The following TENM4 variants were observed in gnomAD, a reference collection of about 807,000 sequenced individuals.
TENM4 encodes teneurin transmembrane protein 4.
TENM4 carries 82 observed loss-of-function variants against 243.3 expected under a neutral mutation model. The ratio of observed to expected loss-of-function variants is 0.34; its 90% CI spans 0.28 to 0.40. The LOEUF is 0.40. Ranked by LOEUF, TENM4 falls within the 10% of genes least tolerant of loss-of-function variation. The pLI, the probability that TENM4 is intolerant of heterozygous loss-of-function variation, is 1.00. For missense variants in TENM4, 3,138 were observed against 3,673.3 expected, an observed-to-expected ratio of 0.85 and a Z score of 3.77; for synonymous variants, 1,412 against 1,456.3, an observed-to-expected ratio of 0.97 and a Z score of 0.69.
At chr11:78,694,263 A>G (rs1858899967) in intron 28 of TENM4, among the ~76,000 whole-genome samples, 1 of 152,132 alleles carries the variant, frequency 6.6e-6, no homozygotes, top group Admixed American at 6.6e-5. Context: ...TTCAAACAAC[A>G]CCATCACCAT....
chr11:78,805,277 T>TGCCCCCCCCCCACACCCCCCCCC lies in TENM4; in HGVS notation c.2179+14_2179+15insGGGGGGGGGTGTGGGGGGGGGGC. On this transcript the variant is annotated intron_variant, in intron 15 of 33. Transcript: ENST00000278550. ...CCCCTCCCTCTACCCATGCTTCTTC[T>TGCCCCCCCCCCACACCCCCCCCC]CCCCCTGCATTTACCGATAGAACAG... The TGCCCCCCCCCCACACCCCCCCCC allele has an allele frequency of 7.1e-7, 1 of 1,402,550 alleles. No individual in the cohort carries two copies. The highest frequency in any genetic ancestry group is 9.7e-7 in the Non-Finnish European group (1 of 1,033,116). 86.9% of individuals were successfully genotyped at this position (1,402,550 alleles called of 1,614,324 possible).
At chr11:79,223,532 C>T (rs1251850747) in intron 2 of TENM4, among the ~76,000 whole-genome samples, 2 of 152,130 alleles carry the variant, frequency 1.3e-5, no homozygotes, top group African/African-American at 4.8e-5. Context: ...GTTCCCGGCT[C>T]AAAGCCCTTA....
chr11:78,908,440 A>C (rs1261112744), intron 6 of TENM4, among the ~76,000 whole-genome samples: 1 of 152,232 alleles, frequency 6.6e-6, no homozygotes, highest in Non-Finnish European at 1.5e-5. Flanking sequence ...TGAATGAATA[A>C]ATCGCAAAGC....
At chr11:78,795,456 C>T (rs1857141832) in intron 15 of TENM4, among the ~76,000 whole-genome samples, 1 of 152,154 alleles carries the variant, frequency 6.6e-6, no homozygotes, top group South Asian at 2.1e-4. Context: ...CTATGTGAAA[C>T]AAATACTGCA....
At chr11:79,097,191 G>A (rs1034357928) in intron 4 of TENM4, 5 of 152,192 alleles carry the variant, frequency 3.3e-5, no homozygotes, top group African/African-American at 1.2e-4. Context: ...CGGAGCCCAG[G>A]TCTAAGAACT....
intron 12 of TENM4, among the ~76,000 whole-genome samples, chr11:78,824,878 G>A (rs1334421580): frequency 6.6e-6 from 1 of 152,180 alleles, no homozygotes; most frequent in East Asian, 1.9e-4. Context: ...TTTGCCTGTA[G>A]ATTAGTCAAT....
At chr11:79,134,868 T>G (rs1404764046) in intron 4 of TENM4, among the ~76,000 whole-genome samples, 1 of 152,182 alleles carries the variant, frequency 6.6e-6, no homozygotes, top group Non-Finnish European at 1.5e-5. Context: ...GACTTAAATC[T>G]AAGACCTAAA....
intron 1 of TENM4, among the ~76,000 whole-genome samples, chr11:79,315,408 C>G (rs971778244): frequency 5.9e-5 from 9 of 152,224 alleles, no homozygotes; most frequent in African/African-American, 1.9e-4. Flanking sequence ...TGGAAAGTTC[C>G]TTTGCTTCCT....
chr11:79,129,371 C>T (rs1374677206), intron 4 of TENM4, among the ~76,000 whole-genome samples: 2 of 152,136 alleles, frequency 1.3e-5, no homozygotes, highest in Admixed American at 6.5e-5. Context: ...TGAGAAGGCT[C>T]CTGGCCAGAA....
At chr11:78,807,296 C>T (rs1439666333) in intron 14 of TENM4, among the ~76,000 whole-genome samples, 1 of 152,176 alleles carries the variant, frequency 6.6e-6, no homozygotes, top group East Asian at 1.9e-4. Context: ...AGTAGTTCTA[C>T]CATTTTACAT....
rs1304535596 is a variant in TENM4, at chr11:79,302,750, C to T, written c.-320-5207G>A. ...ACCGAATTAACTGAAATTGTATTTC[C>T]CCACTTTCCTATAGGGTCTCCAGGA... is the stretch of plus-strand genomic sequence containing the variant. On this transcript the variant is annotated intron_variant, in intron 1 of 33. Coordinates refer to ENST00000278550, the MANE Select transcript of TENM4 (RefSeq NM_001098816.3). Among the ~76,000 whole-genome samples the T allele has an allele frequency of 5.3e-5, 8 of 152,234 alleles. No individual in the cohort carries two copies. The South Asian group carries it at 6.2e-4, about 12-fold the overall frequency.
intron 12 of TENM4, among the ~76,000 whole-genome samples, chr11:78,835,289 C>T (rs899574932): frequency 6.6e-6 from 1 of 152,154 alleles, no homozygotes; most frequent in Non-Finnish European, 1.5e-5. Flanking sequence ...GGACAGATCA[C>T]AAGGTCAAGA....
chr11:79,371,230 A>G (rs1472108056), intron 1 of TENM4, among the ~76,000 whole-genome samples: 3 of 152,160 alleles, frequency 2.0e-5, no homozygotes, highest in Non-Finnish European at 4.4e-5. Context: ...ACTGGAGGAA[A>G]GCAATGTGGC....
chr11:78,944,262 G>C (rs896725913), intron 6 of TENM4, among the ~76,000 whole-genome samples: 1 of 150,740 alleles, frequency 6.6e-6, no homozygotes, highest in East Asian at 2.1e-4. Context: ...TCCTGACTCA[G>C]GCAGAAAAAA....
intron 1 of TENM4, among the ~76,000 whole-genome samples, chr11:79,349,434 C>T (rs556723754): frequency 6.6e-6 from 1 of 152,170 alleles, no homozygotes; most frequent in Non-Finnish European, 1.5e-5. Context: ...TTGCTTTGCC[C>T]TTTGTGGTTT....
chr11:78,839,540 A>G (rs905861695), intron 12 of TENM4, among the ~76,000 whole-genome samples: 1 of 152,042 alleles, frequency 6.6e-6, no homozygotes, highest in African/African-American at 2.4e-5. Context: ...ATAGTTTTTC[A>G]GTTAATGTTT....
At chr11:79,256,463 A>C (rs1855702798) in intron 2 of TENM4, among the ~76,000 whole-genome samples, 1 of 152,222 alleles carries the variant, frequency 6.6e-6, no homozygotes, top group African/African-American at 2.4e-5. Flanking sequence ...CACTGGCAGA[A>C]CCAGAATCCC....
At chr11:78,830,573 C>T (rs759536996) in intron 12 of TENM4, among the ~76,000 whole-genome samples, 12 of 152,212 alleles carry the variant, frequency 7.9e-5, no homozygotes, top group Admixed American at 2.0e-4. Flanking sequence ...TTTAGCAGGA[C>T]GCAGGTGCAC....
chr11:78,693,004 C>T (rs1162410073), intron 28 of TENM4, among the ~76,000 whole-genome samples: 2 of 149,414 alleles, frequency 1.3e-5, no homozygotes, highest in African/African-American at 5.2e-5. Flanking sequence ...TCTGTCTCCT[C>T]CTAATATAAG....
Sources: allele counts gnomAD v4.1 joint callset (sites outside exome capture counted in the v4.1 genomes callset), GRCh38; gene constraint gnomAD v4.1.1; transcripts MANE v1.5; gene names NCBI Gene and HGNC (gene_info 2026-07-23, HGNC 2026-07-21).